The following PRRG1 variants were observed in gnomAD, a reference collection of about 807,000 sequenced individuals.
The protein encoded by PRRG1 is transmembrane gamma-carboxyglutamic acid protein 1.
Under a neutral mutation model 11.8 loss-of-function variants are expected in PRRG1, and 5 were observed. The ratio of observed to expected loss-of-function variants is 0.42; its 90% CI spans 0.22 to 0.89. The LOEUF is 0.89. PRRG1 is among the 40% of genes least tolerant of loss of function. The probability of loss-of-function intolerance (pLI) is 0.28; values close to 1 mark genes in which losing one functional copy is unlikely to be tolerated. For synonymous variants in PRRG1, 66 were observed against 60.4 expected (o/e 1.09, Z -0.43); for missense variants, 155 against 166.1 (o/e 0.93, Z 0.37).
intron 3 of PRRG1, among the ~76,000 whole-genome samples, chrX:37,439,930 G>A (rs1177534566): frequency 9.3e-6 from 1 of 107,624 alleles, no homozygotes; most frequent in Non-Finnish European, 1.9e-5. Context: ...CTCCTGAGTA[G>A]CTGGGACTAC....
In PRRG1 at chrX:37,456,633, T is replaced by C. The variant is rs1341588052; in HGVS notation, c.*3012T>C. On this transcript the variant is annotated 3_prime_UTR_variant, in exon 4 of 4. Transcript: ENST00000378628. ...TGGTTTGAGTTTGATTTGGCTTTTA[T>C]ATTTTTTAAAATCCCTTTTGCTACC... 1 of 112,441 alleles carries C rather than the reference T, an allele frequency of 8.9e-6. No homozygotes were observed. Among genetic ancestry groups the C allele is most frequent in the East Asian group, 2.8e-4 (1 of 3,624 alleles). 9.3% of individuals were successfully genotyped at this position (112,441 alleles called of 1,213,427 possible). A position where few individuals can be genotyped will look rare whatever the true frequency, so the allele number is the denominator to read the frequency against.
At chrX:37,423,632 G>C (rs187185044) in intron 2 of PRRG1, among the ~76,000 whole-genome samples, 3 of 110,377 alleles carry the variant, frequency 2.7e-5, no homozygotes, top group Non-Finnish European at 1.9e-5. Context: ...GCCTCCCAAA[G>C]TGCTGGGATT....
chrX:37,365,387 G>T (rs1313339409), intron 1 of PRRG1, among the ~76,000 whole-genome samples: 3 of 111,538 alleles, frequency 2.7e-5, no homozygotes, highest in Admixed American at 9.5e-5. Context: ...CTGGTGGCAG[G>T]TGCAGATGTG....
intron 3 of PRRG1, among the ~76,000 whole-genome samples, chrX:37,450,294 C>T (rs1223407402): frequency 8.9e-6 from 1 of 112,094 alleles, no homozygotes; most frequent in East Asian, 2.8e-4. Flanking sequence ...CTGAGCCTCC[C>T]TTTCCTCATC....
intron 1 of PRRG1, among the ~76,000 whole-genome samples, chrX:37,378,561 A>G (rs927495085): frequency 9.0e-6 from 1 of 111,627 alleles, no homozygotes; most frequent in Admixed American, 9.5e-5. Flanking sequence ...GTGAATGGAT[A>G]GTGAGGTAAT....
At chrX:37,378,339 C>T (rs1440606137) in intron 1 of PRRG1, among the ~76,000 whole-genome samples, 1 of 111,519 alleles carries the variant, frequency 9.0e-6, no homozygotes, top group Non-Finnish European at 1.9e-5. Flanking sequence ...TCTGTGTGAT[C>T]AGAAGGACAG....
At chrX:37,423,674 AT>A (rs1264729271) in intron 2 of PRRG1, among the ~76,000 whole-genome samples, 1 of 109,586 alleles carries the variant, frequency 9.1e-6, no homozygotes, top group African/African-American at 3.3e-5. Flanking sequence ...CAGCCAAAAT[AT>A]TTTTTTTAAG....
chrX:37,355,655 T>A (rs782067562), intron 1 of PRRG1, among the ~76,000 whole-genome samples: 10 of 109,182 alleles, frequency 9.2e-5, no homozygotes, highest in Non-Finnish European at 1.7e-4. Flanking sequence ...GAGAAAGGAG[T>A]GAAAAAAGTA....
In PRRG1 at chrX:37,406,119, A is replaced by G. The variant is rs1037036883; in HGVS notation, c.-41-90A>G. ...GAATGTACTGAAATGAAATGCTCAC[A>G]TTGACCACATCAGCTGTACTGGAGC... On this transcript the variant is annotated intron_variant, in intron 1 of 3. Transcript: ENST00000378628. 6 of 763,949 alleles carry G rather than the reference A, an allele frequency of 7.9e-6. No homozygotes were observed. In the Admixed American group the frequency reaches 1.7e-4, roughly 22 times the overall value. 63.0% of individuals were successfully genotyped at this position (763,949 alleles called of 1,213,427 possible). A position where few individuals can be genotyped will look rare whatever the true frequency, so the allele number is the denominator to read the frequency against.
rs911162971 is a variant in PRRG1 at position 37,393,992 on chromosome X, A to T, written c.-41-12217A>T. 2.7e-5 allele frequency among the ~76,000 whole-genome samples: 3 copies of T among 111,718 alleles called. No individual in the cohort carries two copies. The Admixed American group carries it at 2.9e-4, about 11-fold the overall frequency. On this transcript the variant is annotated intron_variant, in intron 1 of 3. Coordinates refer to ENST00000378628, the MANE Select transcript of PRRG1 (RefSeq NM_001142395.2). The stretch of plus-strand genomic sequence containing the variant: ...TTTAATGTTGGCATTTTTTATGTAA[A>T]TGTGTTGATAAGTTTTAAAAAACCC...
At chrX:37,391,335 T>C (rs1174237676) in intron 1 of PRRG1, among the ~76,000 whole-genome samples, 1 of 111,189 alleles carries the variant, frequency 9.0e-6, no homozygotes, top group Non-Finnish European at 1.9e-5. Context: ...AAACACAAAA[T>C]GGCTTAGCTA....
chrX:37,422,301 C>CAT (rs201699178), intron 2 of PRRG1, among the ~76,000 whole-genome samples: 1,240 of 112,092 alleles, frequency 0.011, 8 homozygotes, highest in Middle Eastern at 0.037. Flanking sequence ...ACCACATTAA[C>CAT]ATATATATTG....
intron 2 of PRRG1, among the ~76,000 whole-genome samples, chrX:37,422,370 A>G (rs1244375694): frequency 1.8e-5 from 2 of 111,933 alleles, no homozygotes; most frequent in African/African-American, 6.5e-5. Context: ...GACCAAACAC[A>G]AAGTATTGCG....
rs188669701 is a variant in PRRG1 at position 37,369,079 on chromosome X, G to A, written c.-42+19684G>A. Among the ~76,000 whole-genome samples the A allele has an allele frequency of 5.6e-3, 631 of 111,841 alleles. 10 individuals are homozygous for A. The highest frequency in any genetic ancestry group is 0.018 in the African/African-American group (548 of 30,830). ...ATTTGGTTTATATAGAGGAAAAAAA[G>A]GATAAAATAGTATTTTGCATTTTCT... On this transcript the variant is annotated intron_variant, in intron 1 of 3. Transcript: ENST00000378628.
chrX:37,452,739 AG>A (rs782421681), intron 3 of PRRG1, among the ~76,000 whole-genome samples: 20 of 112,260 alleles, frequency 1.8e-4, no homozygotes, highest in East Asian at 1.4e-3. Context: ...TAATGATGAT[AG>A]GGATCATGTG....
chrX:37,416,228 G>A (rs1932492484), intron 2 of PRRG1, among the ~76,000 whole-genome samples: 2 of 111,862 alleles, frequency 1.8e-5, no homozygotes, highest in Non-Finnish European at 3.8e-5. Flanking sequence ...TGGCTGTTTC[G>A]TTAAATGTAA....
chrX:37,433,878 G>C (rs782309935), intron 3 of PRRG1, among the ~76,000 whole-genome samples: 38 of 112,291 alleles, frequency 3.4e-4, no homozygotes, highest in African/African-American at 1.2e-3. Context: ...ATCTGAGTTT[G>C]TTCATGCCAT....
Position 37,372,933 on chromosome X carries a change from T to G in PRRG1, c.-42+23538T>G, listed in dbSNP as rs1456404924. Among the ~76,000 whole-genome samples, 28 of 112,751 alleles carry G rather than the reference T, an allele frequency of 2.5e-4. No homozygotes were observed. The Admixed American group carries it at 2.6e-3, about 11-fold the overall frequency. On this transcript the variant is annotated intron_variant, in intron 1 of 3. Coordinates refer to ENST00000378628, the MANE Select transcript of PRRG1 (RefSeq NM_001142395.2). Reference sequence around the variant, plus strand: ...CTAGTAGGTTTATAGTTTCAGGTCTTACCTTTAGGTCTTTAATCCATTATG... The same window carrying G: ...CTAGTAGGTTTATAGTTTCAGGTCTGACCTTTAGGTCTTTAATCCATTATG...
chrX:37,428,607 C>T lies in PRRG1; in HGVS notation c.171+2607C>T, dbSNP rs147917965. On this transcript the variant is annotated intron_variant, in intron 3 of 3. Transcript: ENST00000378628. ...CCTGTGGCTTTGCAGGGTACAGCCT[C>T]GCTCCTGGTTGCTTTCACAGGCTGG... Among the ~76,000 whole-genome samples the T allele has an allele frequency of 1.7e-3, 190 of 112,264 alleles. 1 individual carries two copies. The highest frequency in any genetic ancestry group is 5.7e-3 in the African/African-American group (176 of 30,933).
Sources: allele counts gnomAD v4.1 joint callset (sites outside exome capture counted in the v4.1 genomes callset), GRCh38; gene constraint gnomAD v4.1.1; transcripts MANE v1.5; gene names NCBI Gene and HGNC (gene_info 2026-07-23, HGNC 2026-07-21).